The following IRGM variants were observed in gnomAD, a reference collection of about 807,000 sequenced individuals.
IRGM encodes immunity related GTPase M, also known as immunity-related GTPase family M protein.
For synonymous variants in IRGM, 98 were observed against 80.6 expected (o/e 1.22, Z -1.16); for missense variants, 288 against 219.9 (o/e 1.31, Z -1.96).
downstream of IRGM, among the ~76,000 whole-genome samples, chr5:150,851,327 T>C (rs899297381): frequency 6.6e-6 from 1 of 152,184 alleles, no homozygotes; most frequent in African/African-American, 2.4e-5. Context: ...CCCCCTTATC[T>C]GTCGTAGACA....
chr5:150,890,639 A>T (rs558882285), intron 3 of IRGM, among the ~76,000 whole-genome samples: 2 of 152,070 alleles, frequency 1.3e-5, no homozygotes, highest in African/African-American at 4.8e-5. Flanking sequence ...ACATTTCACA[A>T]ATGTTGATAT....
intron 3 of IRGM, chr5:150,898,052 T>C (rs899184876): frequency 1.6e-5 from 26 of 1,605,842 alleles, no homozygotes; most frequent in Non-Finnish European, 2.1e-5. Flanking sequence ...TAAATTGATA[T>C]TTCACTTCCC....
intron 1 of IRGM, among the ~76,000 whole-genome samples, chr5:150,877,291 A>C (rs10463240): frequency 0.2 from 30,903 of 152,042 alleles, 4,989 homozygotes; most frequent in East Asian, 0.43. Context: ...GCAGACCCAC[A>C]CTCAATCTGG....
intron 1 of IRGM, among the ~76,000 whole-genome samples, chr5:150,865,301 A>G (rs1754191143): frequency 6.6e-6 from 1 of 152,210 alleles, no homozygotes; most frequent in African/African-American, 2.4e-5. Context: ...ATTCAAAAGT[A>G]TATTAGAAAA....
intron 3 of IRGM, among the ~76,000 whole-genome samples, chr5:150,889,168 T>C (rs1212939471): frequency 6.6e-6 from 1 of 151,334 alleles, no homozygotes; most frequent in Non-Finnish European, 1.5e-5. Flanking sequence ...TACATGACCG[T>C]ATTAGTTCGT....
chr5:150,876,458 A>G (rs145806700), intron 1 of IRGM, among the ~76,000 whole-genome samples: 38 of 152,338 alleles, frequency 2.5e-4, no homozygotes, highest in African/African-American at 9.1e-4. Flanking sequence ...CTGGAAGTTA[A>G]GATTGCCACC....
At chr5:150,888,201 C>A (rs936396741) in intron 3 of IRGM, among the ~76,000 whole-genome samples, 1 of 151,862 alleles carries the variant, frequency 6.6e-6, no homozygotes, top group East Asian at 1.9e-4. Context: ...TTTAAACCAG[C>A]AAAGATTTAG....
chr5:150,853,207 GTGT>G (rs1754000982), downstream of IRGM, among the ~76,000 whole-genome samples: 2 of 152,102 alleles, frequency 1.3e-5, no homozygotes, highest in Non-Finnish European at 2.9e-5. Flanking sequence ...GTTTAAAAGT[GTGT>G]TGTTTAATGT....
At chr5:150,870,452 A>G (rs1185913753) in intron 1 of IRGM, among the ~76,000 whole-genome samples, 1 of 151,954 alleles carries the variant, frequency 6.6e-6, no homozygotes, top group African/African-American at 2.4e-5. Flanking sequence ...CCCTCCAGAG[A>G]ATCCTTAATC....
intron 3 of IRGM, chr5:150,895,251 ATAACTATTTTCCATCATC>A (rs1390626973): frequency 3.9e-6 from 2 of 517,006 alleles, no homozygotes; most frequent in Non-Finnish European, 6.8e-6. Context: ...CTTCATTTAT[ATAACTATTTTCCATCATC>A]TTTGCTGGAA....
chr5:150,861,185 C>T (rs149880094), intron 1 of IRGM, among the ~76,000 whole-genome samples: 261 of 152,220 alleles, frequency 1.7e-3, no homozygotes, highest in Middle Eastern at 6.8e-3. Flanking sequence ...GGAATGTGTA[C>T]GATGGTGGCA....
At chr5:150,868,277 G>T (rs1480935707) in intron 1 of IRGM, among the ~76,000 whole-genome samples, 1 of 152,022 alleles carries the variant, frequency 6.6e-6, no homozygotes, top group Non-Finnish European at 1.5e-5. Context: ...AGATCAGTTT[G>T]CTGTAAGTAT....
chr5:150,891,760 G>A (rs1581655098), intron 3 of IRGM, among the ~76,000 whole-genome samples: 2 of 152,028 alleles, frequency 1.3e-5, no homozygotes, highest in Admixed American at 1.3e-4. Context: ...TGTATGATAT[G>A]GCACTTTTCA....
chr5:150,874,730 G>A (rs1342431214), intron 1 of IRGM, among the ~76,000 whole-genome samples: 1 of 152,216 alleles, frequency 6.6e-6, no homozygotes, highest in East Asian at 1.9e-4. Flanking sequence ...TTGAGGCACA[G>A]TGGCAGACAG....
At chr5:150,900,873 C>T (rs1231250744), downstream of IRGM, 1 of 151,896 alleles carries the variant, frequency 6.6e-6, no homozygotes, top group Non-Finnish European at 1.5e-5. Context: ...TCTGATTTTG[C>T]TTTATTAATG....
intron 1 of IRGM, among the ~76,000 whole-genome samples, chr5:150,872,498 G>A (rs11739196): frequency 0.039 from 5,934 of 152,294 alleles, 194 homozygotes; most frequent in East Asian, 0.18. Context: ...GACCCACAAG[G>A]AGGTGTGCTA....
intron 1 of IRGM, among the ~76,000 whole-genome samples, chr5:150,855,321 G>A (rs1754034625): frequency 6.6e-6 from 1 of 152,086 alleles, no homozygotes; most frequent in African/African-American, 2.4e-5. Flanking sequence ...AAAAATAAAT[G>A]GAAGCACAGT....
chr5:150,900,356 T>A (rs541135768), intron 3 of IRGM, among the ~76,000 whole-genome samples: 1 of 152,090 alleles, frequency 6.6e-6, no homozygotes, highest in Non-Finnish European at 1.5e-5. Context: ...TTTCTACTTT[T>A]ACAAATGCTG....
chr5:150,858,079 G>A (rs1468810275), intron 1 of IRGM, among the ~76,000 whole-genome samples: 12 of 152,022 alleles, frequency 7.9e-5, no homozygotes, highest in Non-Finnish European at 1.6e-4. Flanking sequence ...TAAGTCTTTA[G>A]TCCATCTTGA....
Sources: allele counts gnomAD v4.1 joint callset (sites outside exome capture counted in the v4.1 genomes callset), GRCh38; gene constraint gnomAD v4.1.1; transcripts MANE v1.5; gene names NCBI Gene and HGNC (gene_info 2026-07-23, HGNC 2026-07-21).